The following PCDHA3 variants were observed in gnomAD, a reference collection of about 807,000 sequenced individuals.
PCDHA3 encodes the protein protocadherin alpha 3.
PCDHA3 carries 41 observed loss-of-function variants against 62.2 expected under a neutral mutation model. The observed-to-expected ratio is 0.66, with a 90% CI of 0.51 to 0.86. The LOEUF (loss-of-function observed/expected upper bound fraction) is 0.86. Among genes scored for constraint, PCDHA3 ranks in the 40% least tolerant of loss-of-function variants. The pLI, the probability that PCDHA3 is intolerant of heterozygous loss-of-function variation, is 0.00. For synonymous variants in PCDHA3, 640 were observed against 555.4 expected (o/e 1.15, Z -2.14); for missense variants, 1,304 against 1,241.2 (o/e 1.05, Z -0.76).
intron 1 of PCDHA3, chr5:140,822,738 C>T (rs2150118963): frequency 1.2e-6 from 2 of 1,613,298 alleles, no homozygotes; most frequent in Non-Finnish European, 8.5e-7. Flanking sequence ...ATATTGATGC[C>T]ATGGATAAAA....
At chr5:140,822,516 T>C (rs1175154798) in intron 1 of PCDHA3, 2 of 1,613,966 alleles carry the variant, frequency 1.2e-6, no homozygotes, top group South Asian at 1.1e-5. Context: ...CCATTTATAA[T>C]GTCAGATTGT....
intron 1 of PCDHA3, chr5:140,835,907 G>T (rs2150248091): frequency 6.2e-7 from 1 of 1,612,200 alleles, no homozygotes. Flanking sequence ...CGAGCTACGT[G>T]TCAGTGCACG....
chr5:140,883,946 G>T (rs139225969), intron 1 of PCDHA3: 2 of 1,613,274 alleles, frequency 1.2e-6, no homozygotes, highest in Non-Finnish European at 1.7e-6. Flanking sequence ...GGACGAGAAC[G>T]ACAACGCTCC....
chr5:140,858,066 AG>A, intron 1 of PCDHA3: 1 of 1,597,600 alleles, frequency 6.3e-7, no homozygotes, highest in Non-Finnish European at 8.6e-7. Flanking sequence ...GAGGGCAGCC[AG>A]GCACCCAAGG....
chr5:140,976,413 C>T (rs560298731), intron 1 of PCDHA3, among the ~76,000 whole-genome samples: 2 of 151,978 alleles, frequency 1.3e-5, no homozygotes, highest in African/African-American at 4.8e-5. Flanking sequence ...TAGCCAGGTA[C>T]GGTGGCAGAT....
chr5:140,919,660 T>C (rs561238136), intron 1 of PCDHA3, among the ~76,000 whole-genome samples: 1 of 152,360 alleles, frequency 6.6e-6, no homozygotes, highest in African/African-American at 2.4e-5. Flanking sequence ...TTACCATATA[T>C]ATTTTAGCTT....
intron 3 of PCDHA3, among the ~76,000 whole-genome samples, chr5:140,989,495 A>G (rs1408191575): frequency 6.6e-6 from 1 of 152,136 alleles, no homozygotes; most frequent in African/African-American, 2.4e-5. Context: ...AACAAGAAAG[A>G]CCTGCTTATA....
At chr5:140,892,623 C>T (rs2153438758) in intron 1 of PCDHA3, among the ~76,000 whole-genome samples, 1 of 152,114 alleles carries the variant, frequency 6.6e-6, no homozygotes, top group East Asian at 1.9e-4. Flanking sequence ...CCAGTTGGTA[C>T]ATAATAATTG....
chr5:140,846,894 A>G (rs2150395518), intron 1 of PCDHA3, among the ~76,000 whole-genome samples: 1 of 149,832 alleles, frequency 6.7e-6, no homozygotes, highest in South Asian at 2.1e-4. Flanking sequence ...AATGACGTTG[A>G]AGTTGAAAGA....
chr5:140,919,558 TAA>T (rs879969388), intron 1 of PCDHA3, among the ~76,000 whole-genome samples: 1 of 152,210 alleles, frequency 6.6e-6, no homozygotes, highest in Non-Finnish European at 1.5e-5. Flanking sequence ...TGATTTATAT[TAA>T]GTGAATATTT....
At chr5:140,808,722 C>T in intron 1 of PCDHA3, 2 of 1,612,134 alleles carry the variant, frequency 1.2e-6, no homozygotes, top group Non-Finnish European at 1.7e-6. Context: ...TCGGTGCATG[C>T]GGAGAGCGGC....
chr5:140,941,876 C>T (rs1293978062), intron 1 of PCDHA3, among the ~76,000 whole-genome samples: 1 of 152,166 alleles, frequency 6.6e-6, no homozygotes, highest in Non-Finnish European at 1.5e-5. Flanking sequence ...GTTCTATCAC[C>T]AGTGACTAGC....
chr5:140,888,725 T>C (rs1254922405), intron 1 of PCDHA3, among the ~76,000 whole-genome samples: 2 of 152,156 alleles, frequency 1.3e-5, no homozygotes, highest in African/African-American at 4.8e-5. Flanking sequence ...TTTCCAGCCC[T>C]TTGTGAGCTC....
intron 1 of PCDHA3, chr5:140,829,482 T>C: frequency 1.2e-6 from 2 of 1,613,684 alleles, no homozygotes; most frequent in Non-Finnish European, 1.7e-6. Context: ...ACAGTGTTCG[T>C]GAAGGAGAAC....
intron 1 of PCDHA3, among the ~76,000 whole-genome samples, chr5:140,906,368 T>C (rs1554192499): frequency 1.3e-5 from 2 of 152,198 alleles, no homozygotes. Flanking sequence ...CCAACCCAAA[T>C]GCTATTACAT....
At chr5:140,828,152 C>T (rs2150151411) in intron 1 of PCDHA3, 7 of 1,614,146 alleles carry the variant, frequency 4.3e-6, no homozygotes, top group Middle Eastern at 1.7e-4. Context: ...GCTTCTGCTC[C>T]TCGCAGCCTG....
intron 1 of PCDHA3, among the ~76,000 whole-genome samples, chr5:140,974,580 T>C (rs2153804250): frequency 6.6e-6 from 1 of 152,286 alleles, no homozygotes; most frequent in South Asian, 2.1e-4. Context: ...GGCATGATCT[T>C]GGCTCACTGC....
chr5:140,858,857 T>G (rs1461225886), intron 1 of PCDHA3: 1 of 267,642 alleles, frequency 3.7e-6, no homozygotes, highest in African/African-American at 2.3e-5. Flanking sequence ...CTATATCTCT[T>G]CAGTGAAAAT....
chr5:140,929,163 G>T lies in PCDHA3; in HGVS notation c.2395-49786G>T, dbSNP rs142058597. On this transcript the variant is annotated intron_variant, in intron 1 of 3. Coordinates refer to ENST00000522353, the MANE Select transcript of PCDHA3 (RefSeq NM_018906.3). ...GACTTTCTCAGACTTATCTCTATCG[G>T]GCCTCTCTGGGACTTGGTTCTGATA... 2.4e-4 allele frequency: 385 copies of T among 1,614,058 alleles called. 2 individuals carry two copies. In the African/African-American group the frequency reaches 4.5e-3, roughly 19 times the overall value.
Sources: allele counts gnomAD v4.1 joint callset (sites outside exome capture counted in the v4.1 genomes callset), GRCh38; gene constraint gnomAD v4.1.1; transcripts MANE v1.5; gene names NCBI Gene and HGNC (gene_info 2026-07-23, HGNC 2026-07-21).